NUFIP1: variants seen among roughly 807,000 people sequenced by gnomAD.
NUFIP1 encodes FMR1-interacting protein NUFIP1.
A neutral mutation model predicts 56.2 loss-of-function variants in NUFIP1; 38 were observed. That is an observed-to-expected ratio of 0.68 (90% CI 0.52 to 0.89). The LOEUF (loss-of-function observed/expected upper bound fraction) is 0.89, where lower values mean the gene tolerates loss of function less well. Ranked by LOEUF, NUFIP1 falls within the 40% of genes least tolerant of loss-of-function variation. NUFIP1 has a pLI of 0.00. For missense variants in NUFIP1, 567 were observed against 605.8 expected (o/e 0.94, Z 0.67); for synonymous variants, 215 against 212.4 (o/e 1.01, Z -0.10).
chr13:44,943,065 T>C (rs564286323), intron 9 of NUFIP1, among the ~76,000 whole-genome samples: 13 of 152,276 alleles, frequency 8.5e-5, no homozygotes, highest in Non-Finnish European at 1.9e-4. Flanking sequence ...AGGCCTTTCC[T>C]TTTTGTTACT....
intron 1 of NUFIP1, among the ~76,000 whole-genome samples, chr13:44,987,575 C>T (rs1003849775): frequency 2.6e-5 from 4 of 151,740 alleles, no homozygotes; most frequent in African/African-American, 7.3e-5. Context: ...TTACATGCAA[C>T]GGAAAACCAA....
intron 6 of NUFIP1, among the ~76,000 whole-genome samples, chr13:44,962,390 C>T (rs1871453628): frequency 1.3e-5 from 2 of 152,162 alleles, no homozygotes; most frequent in African/African-American, 4.8e-5. Flanking sequence ...GGGCTCTATT[C>T]TGCTCTACTT....
chr13:44,989,190 C>T lies in NUFIP1; in HGVS notation c.247G>A (p.Ala83Thr). Residue 83 changes from alanine (A) to threonine (T), a missense_variant, in exon 1 of 10, where the codon GCC (alanine) becomes ACC (threonine). Coordinates refer to ENST00000379161, the MANE Select transcript of NUFIP1 (RefSeq NM_012345.3). ...GGTTGCGCCCCGGGAAGAATCTGGGCGTCGAAGGGGGGCGGAGCCCCGGGG... is the reference window on the plus strand; with the variant it reads ...GGTTGCGCCCCGGGAAGAATCTGGGTGTCGAAGGGGGGCGGAGCCCCGGGG... ...SLPGAPPPFD[A>T]QILPGAQPPF... is the part of the protein sequence containing the mutation. 2 of 1,611,654 alleles carry T rather than the reference C, an allele frequency of 1.2e-6. No individual in the cohort carries two copies. The highest frequency in any genetic ancestry group is 1.7e-6 in the Non-Finnish European group (2 of 1,178,880).
At position 44,943,491 on chromosome 13, in the gene NUFIP1, T is replaced by C; in HGVS notation, c.1322A>G (p.Tyr441Cys). The change falls in exon 9 of 10, where the codon TAT becomes TGT. Residue 441 changes from tyrosine (Y) to cysteine (C), a missense_variant. By Grantham distance (194) the Tyr-to-Cys change is radical. Coordinates refer to ENST00000379161, the MANE Select transcript of NUFIP1 (RefSeq NM_012345.3). ...TGTTCTTGGTTCGAATAACGTTTGA[T>C]AGTTGTGATAATCTTTTTTCCTCTT... ...NPKRKKDYHN[Y>C]QTLFEPRTHH... The C allele has an allele frequency of 1.2e-6, 2 of 1,614,148 alleles. No homozygotes were observed. Among genetic ancestry groups the C allele is most frequent in the Non-Finnish European group, 8.5e-7 (1 of 1,180,006 alleles).
chr13:44,989,188 G>C lies in NUFIP1; in HGVS notation c.249C>G (p.Ala83=). 1 of 1,612,188 alleles carries C rather than the reference G, an allele frequency of 6.2e-7. No individual in the cohort carries two copies. The highest frequency in any genetic ancestry group is 1.3e-5 in the African/African-American group (1 of 74,916). The change falls in exon 1 of 10, where the codon GCC becomes GCG. Residue 83 remains alanine, a synonymous_variant. Coordinates refer to ENST00000379161, the MANE Select transcript of NUFIP1 (RefSeq NM_012345.3). Reference sequence around the variant, plus strand: ...GGGGTTGCGCCCCGGGAAGAATCTGGGCGTCGAAGGGGGGCGGAGCCCCGG... The same window carrying C: ...GGGGTTGCGCCCCGGGAAGAATCTGCGCGTCGAAGGGGGGCGGAGCCCCGG... ...SLPGAPPPFD[A]QILPGAQPPF... is the part of the protein sequence containing the mutation.
chr13:44,957,966 T>C (rs143258798), intron 7 of NUFIP1, among the ~76,000 whole-genome samples: 54 of 152,328 alleles, frequency 3.5e-4, no homozygotes, highest in African/African-American at 1.3e-3. Flanking sequence ...AGGCCACACA[T>C]TACAAGTCTG....
At chr13:44,981,681 C>T (rs1385289173) in intron 2 of NUFIP1, among the ~76,000 whole-genome samples, 2 of 151,916 alleles carry the variant, frequency 1.3e-5, no homozygotes, top group African/African-American at 4.8e-5. Context: ...TGTGGTGGTG[C>T]GCACCTGCAG....
intron 8 of NUFIP1, among the ~76,000 whole-genome samples, 168 bp from the exon 9 acceptor site, chr13:44,943,842 T>C (rs954169422): frequency 6.6e-6 from 1 of 152,220 alleles, no homozygotes; most frequent in Non-Finnish European, 1.5e-5. Flanking sequence ...TGTATTCTAG[T>C]ATTTTTCAAA....
intron 4 of NUFIP1, among the ~76,000 whole-genome samples, 165 bp from the exon 5 acceptor site, chr13:44,979,431 T>C (rs1268245656): frequency 6.6e-6 from 1 of 152,224 alleles, no homozygotes; most frequent in Non-Finnish European, 1.5e-5. Context: ...GGAAGAAGAA[T>C]CTATCATGTA....
At chr13:44,968,026 G>C (rs569036496) in intron 5 of NUFIP1, among the ~76,000 whole-genome samples, 27 of 152,092 alleles carry the variant, frequency 1.8e-4, no homozygotes, top group African/African-American at 6.0e-4. Context: ...CTATGGGTGG[G>C]CCATACTGAA....
chr13:44,952,939 C>T (rs1276336212), intron 7 of NUFIP1, among the ~76,000 whole-genome samples: 2 of 152,104 alleles, frequency 1.3e-5, no homozygotes, highest in Admixed American at 1.3e-4. Context: ...TTTAGAATGT[C>T]CCTCAGTTTG....
At chr13:44,960,300 ACT>A (rs918364095) in intron 6 of NUFIP1, among the ~76,000 whole-genome samples, 6 of 125,786 alleles carry the variant, frequency 4.8e-5, no homozygotes, top group African/African-American at 1.5e-4. Flanking sequence ...ACGGAGTCTC[ACT>A]CTGTCGCCCA....
chr13:44,982,864 T>C (rs1262821964), intron 1 of NUFIP1, among the ~76,000 whole-genome samples: 1 of 152,010 alleles, frequency 6.6e-6, no homozygotes, highest in South Asian at 2.1e-4. Context: ...AAAAATTAGC[T>C]TGGCATGATG....
chr13:44,985,417 G>A (rs1872348222), intron 1 of NUFIP1, among the ~76,000 whole-genome samples: 2 of 151,944 alleles, frequency 1.3e-5, no homozygotes, highest in South Asian at 2.1e-4. Context: ...CACCTTTAAG[G>A]TATAAAAGCA....
intron 7 of NUFIP1, among the ~76,000 whole-genome samples, chr13:44,952,800 G>A (rs2137897263): frequency 6.6e-6 from 1 of 152,184 alleles, no homozygotes; most frequent in South Asian, 2.1e-4. Context: ...TCTGTTCCAG[G>A]ATACAATCTG....
chr13:44,988,978 CG>C (rs1407814216), intron 1 of NUFIP1, 46 bp downstream of exon 1: 5 of 1,589,748 alleles, frequency 3.1e-6, no homozygotes, highest in Middle Eastern at 2.1e-4. Flanking sequence ...GAGGAAAGAA[CG>C]GGGGAAAAAG....
rs750124252 is a variant in NUFIP1 at position 44,949,785 on chromosome 13, GT to G, written c.1074del (p.Pro359GlnfsTer6). Reference sequence around the variant, plus strand: ...CTACTCATTAGTGAGCATAGGGCTGGTGTCACTTCCTTGGGTATCACAGAAT... The same window carrying G: ...CTACTCATTAGTGAGCATAGGGCTGGGTCACTTCCTTGGGTATCACAGAAT... ...PQHSVIPKEV[T>X]PALCSLMSSY... On this transcript the variant is annotated frameshift_variant, in exon 8 of 10. Transcript: ENST00000379161. LOFTEE classifies it high-confidence loss of function. The G allele has an allele frequency of 3.7e-6, 6 of 1,614,052 alleles. No homozygotes were observed. The highest frequency in any genetic ancestry group is 1.3e-5 in the African/African-American group (1 of 74,912).
rs763078914 is a variant in NUFIP1 at position 44,989,145 on chromosome 13, G to A, written c.292C>T (p.Pro98Ser). ...CTGGGTTGAGGCTGAGAATCAAGGGGAGACTGGGCGTCGAAGGGGGGTTGC... is the reference window on the plus strand; with the variant it reads ...CTGGGTTGAGGCTGAGAATCAAGGGAAGACTGGGCGTCGAAGGGGGGTTGC... ...GAQPPFDAQS[P>S]LDSQPQPSGQ... Residue 98 changes from proline (P) to serine (S), a missense_variant, in exon 1 of 10, where the codon CCC (proline) becomes TCC (serine). Physicochemically the swap from Pro to Ser is moderately conservative, Grantham distance 74. Transcript: ENST00000379161. 1.9e-6 allele frequency: 3 copies of A among 1,614,072 alleles called. No individual in the cohort carries two copies. The highest frequency in any genetic ancestry group is 2.5e-6 in the Non-Finnish European group (3 of 1,179,968).
chr13:44,979,119 A>G (rs1872090759), intron 5 of NUFIP1, 71 bp downstream of exon 5: 1 of 1,205,880 alleles, frequency 8.3e-7, no homozygotes, highest in Non-Finnish European at 1.2e-6. Flanking sequence ...AGGGAATTCA[A>G]TGAATTTAAC....
Sources: allele counts gnomAD v4.1 joint callset (sites outside exome capture counted in the v4.1 genomes callset), GRCh38; gene constraint gnomAD v4.1.1; transcripts MANE v1.5; gene names NCBI Gene and HGNC (gene_info 2026-07-23, HGNC 2026-07-21).